The following LHFPL6 variants were observed in gnomAD, a reference collection of about 807,000 sequenced individuals.
LHFPL6 encodes LHFPL tetraspan subfamily member 6 protein.
Under a neutral mutation model 20.6 loss-of-function variants are expected in LHFPL6, and 9 were observed. That is an observed-to-expected ratio of 0.44 (90% CI 0.26 to 0.76). The LOEUF (loss-of-function observed/expected upper bound fraction) is 0.76. LHFPL6 is among the 30% of genes least tolerant of loss of function. The pLI, the probability that LHFPL6 is intolerant of heterozygous loss-of-function variation, is 0.20. For missense variants in LHFPL6, 218 were observed against 253.5 expected, an observed-to-expected ratio of 0.86 and a Z score of 0.95; for synonymous variants, 105 against 98.7, an observed-to-expected ratio of 1.06 and a Z score of -0.38.
At chr13:39,418,337 A>T in intron 2 of LHFPL6, among the ~76,000 whole-genome samples, 1 of 149,932 alleles carries the variant, frequency 6.7e-6, no homozygotes, top group South Asian at 2.2e-4. Context: ...GTATGCTCTG[A>T]TTCCTAAAAT....
chr13:39,393,913 A>C (rs1870773474), intron 2 of LHFPL6, among the ~76,000 whole-genome samples: 1 of 152,076 alleles, frequency 6.6e-6, no homozygotes, highest in African/African-American at 2.4e-5. Context: ...AGACATCCCT[A>C]ATGTCTCTTT....
At chr13:39,385,735 C>T (rs886404219) in intron 2 of LHFPL6, among the ~76,000 whole-genome samples, 1 of 152,290 alleles carries the variant, frequency 6.6e-6, no homozygotes, top group East Asian at 1.9e-4. Context: ...ACTTAGCCAG[C>T]GGACTATTAA....
intron 2 of LHFPL6, among the ~76,000 whole-genome samples, chr13:39,388,120 A>C (rs1870615294): frequency 6.6e-6 from 1 of 152,242 alleles, no homozygotes; most frequent in Non-Finnish European, 1.5e-5. Context: ...GAAATATGAT[A>C]ATTTGACAAC....
At chr13:39,481,325 C>T (rs1449982015) in intron 2 of LHFPL6, among the ~76,000 whole-genome samples, 2 of 152,184 alleles carry the variant, frequency 1.3e-5, no homozygotes, top group Non-Finnish European at 2.9e-5. Flanking sequence ...CCTATATTCC[C>T]TGAGTACAGT....
chr13:39,475,314 C>A (rs1367659734), intron 2 of LHFPL6, among the ~76,000 whole-genome samples: 2 of 151,550 alleles, frequency 1.3e-5, no homozygotes, highest in African/African-American at 2.4e-5. Flanking sequence ...TGATCCTAAT[C>A]AGTTTAACTA....
chr13:39,444,133 C>CGG (rs1872221537), intron 2 of LHFPL6, among the ~76,000 whole-genome samples: 1 of 152,002 alleles, frequency 6.6e-6, no homozygotes, highest in African/African-American at 2.4e-5. Flanking sequence ...CTTTGTGGAA[C>CGG]GGGGGACTCA....
intron 2 of LHFPL6, among the ~76,000 whole-genome samples, chr13:39,463,916 G>A (rs181074688): frequency 2.0e-3 from 301 of 152,274 alleles, no homozygotes; most frequent in African/African-American, 7.0e-3. Context: ...TGCAAATTGA[G>A]CAAACCTAAC....
At chr13:39,464,812 T>C (rs1593323136) in intron 2 of LHFPL6, among the ~76,000 whole-genome samples, 1 of 152,038 alleles carries the variant, frequency 6.6e-6, no homozygotes, top group East Asian at 1.9e-4. Flanking sequence ...TGTGTACTTG[T>C]TTCACTTCTT....
At chr13:39,357,590 T>G (rs925068508) in intron 3 of LHFPL6, among the ~76,000 whole-genome samples, 1 of 152,216 alleles carries the variant, frequency 6.6e-6, no homozygotes, top group Non-Finnish European at 1.5e-5. Flanking sequence ...ATTCTATACC[T>G]AGAAAACCCT....
intron 2 of LHFPL6, among the ~76,000 whole-genome samples, chr13:39,500,759 C>T (rs1055132003): frequency 2.0e-5 from 3 of 152,144 alleles, no homozygotes; most frequent in Non-Finnish European, 4.4e-5. Context: ...AAAAATTTGA[C>T]ACCTCTTTTA....
At chr13:39,483,579 C>G (rs1055776791) in intron 2 of LHFPL6, among the ~76,000 whole-genome samples, 13 of 150,800 alleles carry the variant, frequency 8.6e-5, no homozygotes, top group Non-Finnish European at 7.4e-5. Context: ...ATGAAACACA[C>G]AGTGTTTTGC....
At chr13:39,461,911 T>A (rs1218438807) in intron 2 of LHFPL6, among the ~76,000 whole-genome samples, 1 of 152,174 alleles carries the variant, frequency 6.6e-6, no homozygotes, top group Admixed American at 6.5e-5. Flanking sequence ...AATTCCTGAA[T>A]TCTTTAGGGT....
At chr13:39,422,183 G>A (rs1322477207) in intron 2 of LHFPL6, among the ~76,000 whole-genome samples, 3 of 152,206 alleles carry the variant, frequency 2.0e-5, no homozygotes, top group Non-Finnish European at 2.9e-5. Flanking sequence ...GAAATGACAA[G>A]TTATGAGAGA....
At chr13:39,504,868 G>A (rs1045788800) in intron 2 of LHFPL6, among the ~76,000 whole-genome samples, 2 of 152,066 alleles carry the variant, frequency 1.3e-5, no homozygotes, top group African/African-American at 4.8e-5. Context: ...TGCCAAAACC[G>A]CAGAGGAAAT....
At chr13:39,423,885 A>G (rs1224165208) in intron 2 of LHFPL6, among the ~76,000 whole-genome samples, 3 of 152,130 alleles carry the variant, frequency 2.0e-5, no homozygotes, top group Non-Finnish European at 4.4e-5. Context: ...ATATTTTAAC[A>G]TGCTCACTCT....
At chr13:39,403,525 G>A (rs766522902) in intron 2 of LHFPL6, among the ~76,000 whole-genome samples, 1 of 152,140 alleles carries the variant, frequency 6.6e-6, no homozygotes, top group Non-Finnish European at 1.5e-5. Context: ...TCAAGGAAAC[G>A]TGCTATAAAG....
chr13:39,468,883 GAA>G (rs5802990), intron 2 of LHFPL6, among the ~76,000 whole-genome samples: 23,551 of 148,242 alleles, frequency 0.16, 3,444 homozygotes, highest in East Asian at 0.52. Flanking sequence ...CCAAATGTAA[GAA>G]AAAAAAAAAA....
At chr13:39,427,422 T>C (rs1281597139) in intron 2 of LHFPL6, among the ~76,000 whole-genome samples, 1 of 152,226 alleles carries the variant, frequency 6.6e-6, no homozygotes. Flanking sequence ...TTCATATGTG[T>C]CCTTTATTGA....
chr13:39,409,291 T>G (rs929738677), intron 2 of LHFPL6, among the ~76,000 whole-genome samples: 1 of 151,884 alleles, frequency 6.6e-6, no homozygotes, highest in African/African-American at 2.4e-5. Context: ...CCGTCTCTAC[T>G]AAAAATACAA....
Sources: allele counts gnomAD v4.1 joint callset (sites outside exome capture counted in the v4.1 genomes callset), GRCh38; gene constraint gnomAD v4.1.1; transcripts MANE v1.5; gene names NCBI Gene and HGNC (gene_info 2026-07-23, HGNC 2026-07-21).